Variants in FASN observed in about 807,000 individuals in gnomAD.
FASN encodes the protein 3-hydroxyacyl-[acyl-carrier-protein] dehydratase.
FASN carries 50 observed loss-of-function variants against 250.0 expected under a neutral mutation model. The observed-to-expected ratio is 0.20, with a 90% CI of 0.16 to 0.25. The LOEUF (loss-of-function observed/expected upper bound fraction) is 0.25. Ranked by LOEUF, FASN falls within the 10% of genes least tolerant of loss-of-function variation. FASN has a pLI of 1.00. For missense variants in FASN, 3,031 were observed against 3,498.5 expected (o/e 0.87, Z 3.37); for synonymous variants, 1,909 against 1,584.0 (o/e 1.21, Z -4.87).
At position 82,082,978 on chromosome 17, in the gene FASN, C is replaced by A; in HGVS notation, c.5703G>T (p.Ala1901=). 1.2e-6 allele frequency: 2 copies of A among 1,612,890 alleles called. No individual in the cohort carries two copies. The highest frequency in any genetic ancestry group is 1.7e-6 in the Non-Finnish European group (2 of 1,180,002). Residue 1901 remains alanine (A), a synonymous_variant, in exon 33 of 43, where the codon GCG becomes GCT. Transcript: ENST00000306749. ...GGLGGFGLEL[A]QWLIQRGVQK... is the part of the protein sequence containing the mutation. The stretch of plus-strand genomic sequence containing the variant: ...GCACCCCACGCTGTATCAGCCACTG[C>A]GCCAACTCCAGGCCGAAGCCACCCA...
Position 82,088,451 on chromosome 17 carries a change from C to A in FASN, c.2532G>T (p.Val844=), listed in dbSNP as rs933676562. The A allele has an allele frequency of 1.2e-6, 2 of 1,611,676 alleles. No individual in the cohort carries two copies. Among genetic ancestry groups the A allele is most frequent in the African/African-American group, 2.7e-5 (2 of 74,892 alleles). The change falls in exon 16 of 43, where the codon GTG becomes GTT. Residue 844 remains valine (V), a synonymous_variant. Coordinates refer to ENST00000306749, the MANE Select transcript of FASN (RefSeq NM_004104.5). ...IKWDHSLAWD[V]PAAEDFPNGS... is the part of the protein sequence containing the mutation. Reference sequence around the variant, plus strand: ...CGTTGGGGAAGTCCTCGGCGGCCGGCACGTCCCAGGCCAGGCTGTGGTCCC... The same window carrying A: ...CGTTGGGGAAGTCCTCGGCGGCCGGAACGTCCCAGGCCAGGCTGTGGTCCC...
chr17:82,093,144 T>C (rs2034243072), intron 5 of FASN, 75 bp downstream of exon 5: 1 of 1,537,892 alleles, frequency 6.5e-7, no homozygotes, highest in Non-Finnish European at 8.8e-7. Flanking sequence ...AGGATCCTGC[T>C]CAGCGTGGGG....
At chr17:82,094,123 C>T (rs1448209250) in intron 3 of FASN, 1 of 399,416 alleles carries the variant, frequency 2.5e-6, no homozygotes. Context: ...CGCCTTTGGC[C>T]CCTGGTGTCA....
intron 38 of FASN, 89 bp downstream of exon 38, chr17:82,081,075 G>T: frequency 6.8e-7 from 1 of 1,478,278 alleles, no homozygotes; most frequent in East Asian, 2.5e-5. Flanking sequence ...ACGAAGGGCG[G>T]TATGCCTGCC....
Position 82,093,626 on chromosome 17 carries a change from G to A in FASN, c.426C>T (p.Asn142=), listed in dbSNP as rs2034253316. The part of the protein sequence containing the change: ...MVGCQRAMMA[N]RLSFFFDFRG... The stretch of plus-strand genomic sequence containing the variant: ...TGAAGTCGAAGAAGAAGGAGAGCCG[G>A]TTGGCCATCATCGCTCGCTGGCAGC... The change falls in exon 4 of 43, where the codon AAC becomes AAT. Residue 142 remains asparagine (N), a synonymous_variant. Coordinates refer to ENST00000306749, the MANE Select transcript of FASN (RefSeq NM_004104.5). 6.2e-7 allele frequency: 1 copy of A among 1,612,776 alleles called. No individual in the cohort carries two copies. The highest frequency in any genetic ancestry group is 1.1e-5 in the South Asian group (1 of 91,086).
Position 82,081,664 on chromosome 17 carries a change from C to T in FASN, c.6343G>A (p.Ala2115Thr), listed in dbSNP as rs750242031. The change falls in exon 37 of 43, where the codon GCT (alanine) becomes ACT (threonine). Residue 2115 changes from alanine (A) to threonine (T), a missense_variant. Coordinates refer to ENST00000306749, the MANE Select transcript of FASN (RefSeq NM_004104.5). The stretch of plus-strand genomic sequence containing the variant: ...CTGTCCCTGTCCCTATAGGCCGCAG[C>T]CTTCTCAGCCAGCACAAAGCTGCTC... ...VLSSFVLAEK[A>T]AAYRDRDSQR... is the part of the protein sequence containing the mutation. 6.2e-7 allele frequency: 1 copy of T among 1,612,798 alleles called. No individual in the cohort carries two copies. The highest frequency in any genetic ancestry group is 8.5e-7 in the Non-Finnish European group (1 of 1,180,010).
rs1308361774 is a variant in FASN at position 82,078,868 on chromosome 17, G to A, written c.*275C>T. On this transcript the variant is annotated 3_prime_UTR_variant, in exon 43 of 43. Transcript: ENST00000306749. This position sits in a 1 kb window ranked among gnomAD's most constrained non-coding sequence, Gnocchi z 5.4. ...CCAAGCGCAGACCCCACGGGCGCAC[G>A]AGGCCCAGCCCAGTTCCTGCGGGCA... is the stretch of plus-strand genomic sequence containing the variant. The A allele has an allele frequency of 1.1e-5, 6 of 569,180 alleles. No homozygotes were observed. Among genetic ancestry groups the A allele is most frequent in the South Asian group, 6.0e-5 (3 of 50,074 alleles). 35.3% of individuals were successfully genotyped at this position (569,180 alleles called of 1,614,324 possible).
chr17:82,081,866 G>T, intron 36 of FASN, 23 bp from the exon 37 acceptor site: 1 of 1,526,300 alleles, frequency 6.6e-7, no homozygotes, highest in Non-Finnish European at 8.9e-7. Flanking sequence ...GGGCAGGTGG[G>T]CAGAGCTGCG....
Position 82,082,330 on chromosome 17 carries a change from G to A in FASN, c.6004C>T (p.Leu2002=), listed in dbSNP as rs755543673. The change falls in exon 35 of 43, where the codon CTG becomes TTG. Residue 2002 remains leucine (L), a synonymous_variant. Transcript: ENST00000306749. ...GGGCTGTGCGGTACCCACCTGTCCA[G>A]GTTCAGGGTGCCGCTGTACTTGGGC... ...CKPKYSGTLN[L]DRVTREACPE... 3 of 1,612,504 alleles carry A rather than the reference G, an allele frequency of 1.9e-6. No homozygotes were observed. Among genetic ancestry groups the A allele is most frequent in the Non-Finnish European group, 2.5e-6 (3 of 1,179,958 alleles).
At chr17:82,087,621 T>C in intron 19 of FASN, 64 bp downstream of exon 19, 1 of 1,602,814 alleles carries the variant, frequency 6.2e-7, no homozygotes, top group Non-Finnish European at 8.5e-7. Context: ...GGGTGCCCTC[T>C]GTGGTCCCCA....
In FASN at chr17:82,083,595, C is replaced by A; in HGVS notation, c.5263G>T (p.Ala1755Ser). Residue 1755 changes from alanine (A) to serine (S), a missense_variant, in exon 31 of 43, where the codon GCC becomes TCC. Transcript: ENST00000306749. Reference sequence around the variant, plus strand: ...TGCGTAGCCAAGCACCTCACGCTGGCCTGCAGCTTCTCTTCCGCCAAGGAG... The same window carrying A: ...TGCGTAGCCAAGCACCTCACGCTGGACTGCAGCTTCTCTTCCGCCAAGGAG... ...LNSLAEEKLQ[A>S]SVRCLATHGR... is the part of the protein sequence containing the mutation. 1 of 1,612,112 alleles carries A rather than the reference C, an allele frequency of 6.2e-7. No homozygotes were observed. Among genetic ancestry groups the A allele is most frequent in the Non-Finnish European group, 8.5e-7 (1 of 1,179,708 alleles).
intron 8 of FASN, among the ~76,000 whole-genome samples, 177 bp from the exon 9 acceptor site, chr17:82,091,861 C>T (rs1391673197): frequency 6.6e-6 from 1 of 152,192 alleles, no homozygotes; most frequent in Non-Finnish European, 1.5e-5. Flanking sequence ...ACTGAGCCGC[C>T]ATGGCCCTGC....
At chr17:82,091,150 G>T in intron 9 of FASN, 72 bp downstream of exon 9, 1 of 1,602,722 alleles carries the variant, frequency 6.2e-7, no homozygotes, top group South Asian at 1.1e-5. Flanking sequence ...AGCACCTCAG[G>T]GGACCACCAG....
At chr17:82,094,651 T>C (rs1429393738) in intron 3 of FASN, among the ~76,000 whole-genome samples, 1 of 151,302 alleles carries the variant, frequency 6.6e-6, no homozygotes, top group African/African-American at 2.4e-5. Flanking sequence ...TAGCCGGGCG[T>C]GGTGGTGGGC....
intron 1 of FASN, 34 bp downstream of exon 1, chr17:82,098,087 C>T: frequency 6.0e-6 from 2 of 331,200 alleles, no homozygotes; most frequent in African/African-American, 2.2e-5. Context: ...CCGACCACGA[C>T]CCGCGCCCCG....
In FASN at chr17:82,086,983, A is replaced by C. The variant is rs888623542; in HGVS notation, c.3427+67T>G. ...CCCGTGGAGAAGCAAGTCTGGGGTC[A>C]ACGTGAGGGGAGGCGATCGCTCCTC... On this transcript the variant is annotated intron_variant, in intron 21 of 42. Coordinates refer to ENST00000306749, the MANE Select transcript of FASN (RefSeq NM_004104.5). The C allele has an allele frequency of 5.9e-5, 92 of 1,564,786 alleles. 1 individual carries two copies. The highest frequency in any genetic ancestry group is 1.4e-5 in the African/African-American group (1 of 73,858).
chr17:82,083,869 G>A lies in FASN; in HGVS notation c.5121C>T (p.Tyr1707=), dbSNP rs774375751. Reference sequence around the variant, plus strand: ...CGAGCTGGGGGAACCTGGCCTGGAGGTACGCCCGCTTCTCAGCCGACCCTG... The same window carrying A: ...CGAGCTGGGGGAACCTGGCCTGGAGATACGCCCGCTTCTCAGCCGACCCTG... ...TTVGSAEKRA[Y]LQARFPQLDS... Residue 1707 remains tyrosine (Y), a synonymous_variant, in exon 30 of 43, where the codon TAC becomes TAT. Transcript: ENST00000306749. The A allele has an allele frequency of 3.4e-5, 54 of 1,578,294 alleles. No individual in the cohort carries two copies. The highest frequency in any genetic ancestry group is 4.4e-5 in the Non-Finnish European group (51 of 1,162,396).
rs573497934 is a variant in FASN, at chr17:82,085,412, C to A, written c.4123-10G>T. On this transcript the variant is annotated splice_polypyrimidine_tract_variant and intron_variant, in intron 23 of 42. Transcript: ENST00000306749. ...GGCTCTCCCACGCGTCCTGTGGGGGCGGTGGTCAGCACCCTGCCCGCCTGG... is the reference window on the plus strand; with the variant it reads ...GGCTCTCCCACGCGTCCTGTGGGGGAGGTGGTCAGCACCCTGCCCGCCTGG... The A allele has an allele frequency of 3.1e-6, 5 of 1,607,592 alleles. No individual in the cohort carries two copies. Among genetic ancestry groups the A allele is most frequent in the East Asian group, 4.5e-5 (2 of 44,642 alleles).
intron 13 of FASN, 32 bp downstream of exon 13, chr17:82,089,218 C>T (rs569504658): frequency 3.3e-4 from 525 of 1,609,582 alleles, no homozygotes; most frequent in Middle Eastern, 8.2e-4. Flanking sequence ...TCCCCTGGCC[C>T]GCCCCGCACC....
Sources: gnomAD v4.1 joint callset for allele counts (sites outside exome capture counted in the v4.1 genomes callset) on GRCh38, gnomAD v4.1.1 for gene constraint, Gnocchi (gnomAD v3.1) non-coding constraint, MANE v1.5 for transcripts, NCBI Gene and HGNC (gene_info 2026-07-23, HGNC 2026-07-21) for gene names.